VEZT: variants seen among roughly 807,000 people sequenced by gnomAD.
VEZT encodes the protein vezatin.
Under a neutral mutation model 79.9 loss-of-function variants are expected in VEZT, and 39 were observed. The ratio of observed to expected loss-of-function variants is 0.49; its 90% CI spans 0.38 to 0.64. VEZT has a LOEUF of 0.64. Among genes scored for constraint, VEZT ranks in the 30% least tolerant of loss-of-function variants. The pLI is 0.00. For missense variants in VEZT, 837 were observed against 893.1 expected (o/e 0.94, Z 0.80); for synonymous variants, 325 against 327.6 (o/e 0.99, Z 0.09).
rs749489571 is a variant in VEZT at position 95,225,792 on chromosome 12, A to AAG, written c.36+7914_36+7915dup. Reference sequence around the variant, plus strand: ...AAAAAAAAAAAAAAAAAAAAAAAAAAAGAGAGAGAAGGATGGAGGGAAGAG... The same window carrying AAG: ...AAAAAAAAAAAAAAAAAAAAAAAAAAAGAGAGAGAGAAGGATGGAGGGAAGAG... On this transcript the variant is annotated intron_variant, in intron 1 of 11. Coordinates refer to ENST00000436874, the MANE Select transcript of VEZT (RefSeq NM_017599.4). Among the ~76,000 whole-genome samples, 282 of 76,038 alleles carry AAG rather than the reference A, an allele frequency of 3.7e-3. 1 individual carries two copies. The highest frequency in any genetic ancestry group is 6.8e-3 in the African/African-American group (130 of 19,254). 49.9% of individuals were successfully genotyped at this position (76,038 alleles called of 152,430 possible).
chr12:95,297,817 T>C (rs1441425479), intron 11 of VEZT, among the ~76,000 whole-genome samples: 1 of 152,190 alleles, frequency 6.6e-6, no homozygotes, highest in East Asian at 1.9e-4. Context: ...GTTATTTTTA[T>C]TCATGAAAAA....
At chr12:95,283,192 C>T (rs2069642681) in intron 8 of VEZT, among the ~76,000 whole-genome samples, 1 of 152,176 alleles carries the variant, frequency 6.6e-6, no homozygotes, top group Non-Finnish European at 1.5e-5. Flanking sequence ...TCCTACCTTG[C>T]ATGAAATTGT....
intron 1 of VEZT, among the ~76,000 whole-genome samples, chr12:95,237,342 C>T (rs1204996789): frequency 2.0e-5 from 3 of 152,124 alleles, no homozygotes; most frequent in Admixed American, 2.0e-4. Context: ...ATTCCTGGCC[C>T]TGTCTGGGTA....
At chr12:95,252,150 T>C in intron 2 of VEZT, 79 bp downstream of exon 2, 1 of 1,439,324 alleles carries the variant, frequency 6.9e-7, no homozygotes, top group South Asian at 1.5e-5. Context: ...TCTTAAGCAC[T>C]TCCATATCCT....
intron 9 of VEZT, among the ~76,000 whole-genome samples, chr12:95,291,693 G>A (rs1481969126): frequency 1.3e-5 from 2 of 152,204 alleles, no homozygotes; most frequent in African/African-American, 2.4e-5. Flanking sequence ...TCTTCAGGGA[G>A]CTTTTTTCAC....
At chr12:95,289,465 C>T (rs2072109552) in intron 9 of VEZT, among the ~76,000 whole-genome samples, 1 of 151,118 alleles carries the variant, frequency 6.6e-6, no homozygotes, top group South Asian at 2.1e-4. Flanking sequence ...CCATTCATCC[C>T]TCCTTTAGCA....
chr12:95,271,405 T>C (rs1432658540), intron 6 of VEZT, among the ~76,000 whole-genome samples: 1 of 152,160 alleles, frequency 6.6e-6, no homozygotes, highest in East Asian at 1.9e-4. Context: ...ATTCATAATA[T>C]TATATAAGTG....
chr12:95,235,249 C>T (rs1466510709), intron 1 of VEZT, among the ~76,000 whole-genome samples: 2 of 145,100 alleles, frequency 1.4e-5, no homozygotes, highest in Non-Finnish European at 3.0e-5. Context: ...CAGAGGCGCC[C>T]CTCACCTCCC....
intron 9 of VEZT, among the ~76,000 whole-genome samples, chr12:95,292,579 C>A (rs1471871941): frequency 6.8e-6 from 1 of 147,658 alleles, no homozygotes; most frequent in Non-Finnish European, 1.5e-5. Flanking sequence ...GACAAAGTCG[C>A]ACTCTGTCGC....
chr12:95,234,960 G>C (rs997058832), intron 1 of VEZT, among the ~76,000 whole-genome samples: 1 of 152,028 alleles, frequency 6.6e-6, no homozygotes, highest in Non-Finnish European at 1.5e-5. Context: ...GTTTCAGAGA[G>C]CACAGGGTTG....
At position 95,240,028 on chromosome 12, in the gene VEZT, GGAAGGA is replaced by G. The variant is rs2060762879; in HGVS notation, c.37-11911_37-11906del. Among the ~76,000 whole-genome samples, 277 of 48,804 alleles carry G rather than the reference GGAAGGA, an allele frequency of 5.7e-3. 2 individuals carry two copies. Among genetic ancestry groups the G allele is most frequent in the African/African-American group, 0.017 (242 of 14,190 alleles). 32.0% of individuals were successfully genotyped at this position (48,804 alleles called of 152,430 possible). A position where few individuals can be genotyped will look rare whatever the true frequency, so the allele number is the denominator to read the frequency against. ...AGAGAGAAAGAGAGAAAGAAAGGAAGGAAGGAAGGAAGGAAGGAAGGAAGGAAGGAA... is the reference window on the plus strand; with the variant it reads ...AGAGAGAAAGAGAGAAAGAAAGGAAGAGGAAGGAAGGAAGGAAGGAAGGAA... On this transcript the variant is annotated intron_variant, in intron 1 of 11. Coordinates refer to ENST00000436874, the MANE Select transcript of VEZT (RefSeq NM_017599.4).
chr12:95,265,376 T>C (rs569494279), intron 4 of VEZT, among the ~76,000 whole-genome samples: 1 of 151,118 alleles, frequency 6.6e-6, no homozygotes, highest in Non-Finnish European at 1.5e-5. Flanking sequence ...TAGAGGACTT[T>C]ATTCAAACAA....
chr12:95,282,162 T>C (rs2139277483), intron 7 of VEZT, 151 bp from the exon 8 acceptor site: 3 of 680,784 alleles, frequency 4.4e-6, no homozygotes, highest in East Asian at 2.7e-5. Flanking sequence ...TATTCTTGGC[T>C]AATCTTAAGG....
chr12:95,252,928 G>A (rs530255905), intron 2 of VEZT, among the ~76,000 whole-genome samples: 1 of 152,250 alleles, frequency 6.6e-6, no homozygotes, highest in South Asian at 2.1e-4. Context: ...TTGTGCCATT[G>A]CACTCCAGCC....
At chr12:95,255,111 C>G (rs1410114506) in intron 2 of VEZT, among the ~76,000 whole-genome samples, 1 of 152,058 alleles carries the variant, frequency 6.6e-6, no homozygotes, top group Admixed American at 6.6e-5. Flanking sequence ...CCCCACAAAG[C>G]TCAGATTCAA....
At chr12:95,247,915 A>G (rs550852992) in intron 1 of VEZT, among the ~76,000 whole-genome samples, 32 of 152,202 alleles carry the variant, frequency 2.1e-4, no homozygotes, top group Admixed American at 5.2e-4. Context: ...GCAAATATGA[A>G]ATATAATAGT....
rs372879647 is a variant in VEZT, at chr12:95,300,287, G to T, written c.1954G>T (p.Ala652Ser). 35 of 1,604,730 alleles carry T rather than the reference G, an allele frequency of 2.2e-5. No homozygotes were observed. Among genetic ancestry groups the T allele is most frequent in the African/African-American group, 5.4e-5 (4 of 74,698 alleles). Residue 652 changes from alanine to serine, a missense_variant, in exon 12 of 12, where the codon GCC (alanine) becomes TCC (serine). By Grantham distance (99) the Ala-to-Ser change is moderately conservative (BLOSUM62 1). Transcript: ENST00000436874. ...NDTEEESNKSATTDNEISRTE... is the reference protein window; with the variant it reads ...NDTEEESNKSSTTDNEISRTE... ...TACTGAAGAGGAAAGTAATAAATCC[G>T]CCACAACAGACAATGAAATAAGTAG...
rs199942126 is a variant in VEZT, at chr12:95,292,855, T to TC, written c.1523-1417_1523-1416insC. 5.2e-3 allele frequency among the ~76,000 whole-genome samples: 748 copies of TC among 144,266 alleles called. 48 individuals are homozygous for TC. In the East Asian group the frequency reaches 0.14, roughly 26 times the overall value. The allele number at this position is 144,266 out of a possible 152,430, so 94.6% of individuals were successfully genotyped here. A position where few individuals can be genotyped will look rare whatever the true frequency, so the allele number is the denominator to read the frequency against. On this transcript the variant is annotated intron_variant, in intron 9 of 11. Coordinates refer to ENST00000436874, the MANE Select transcript of VEZT (RefSeq NM_017599.4). ...AGCCACTGTACCTGGCCCTTTTTTT[T>TC]TTTTTTTTTTTTTGAGACAGAGTCT...
chr12:95,234,193 C>T (rs1467533693), intron 1 of VEZT, among the ~76,000 whole-genome samples: 3 of 151,008 alleles, frequency 2.0e-5, no homozygotes, highest in Admixed American at 6.6e-5. Context: ...CCCATTTCTA[C>T]AATTTAAAAA....
Sources: allele counts gnomAD v4.1 joint callset (sites outside exome capture counted in the v4.1 genomes callset), GRCh38; gene constraint gnomAD v4.1.1; transcripts MANE v1.5; gene names NCBI Gene and HGNC (gene_info 2026-07-23, HGNC 2026-07-21).